Variants in ACOT13 observed in about 807,000 individuals in gnomAD.
ACOT13 encodes acyl-coenzyme A thioesterase 13.
In ACOT13, 10 loss-of-function variants were observed where a neutral mutation model predicts 11.8. That is an observed-to-expected ratio of 0.85 (90% confidence interval 0.53 to 1.44). The LOEUF is 1.44. Ranked by LOEUF, ACOT13 falls within the 40% of genes most tolerant of loss-of-function variation. The pLI is 0.00. For missense variants in ACOT13, 172 were observed against 174.1 expected, an observed-to-expected ratio of 0.99 and a Z score of 0.07; for synonymous variants, 53 against 61.0, an observed-to-expected ratio of 0.87 and a Z score of 0.61.
rs1778931715 is a variant in ACOT13 at position 24,703,538 on chromosome 6, G to A, written c.*1923G>A. The A allele has an allele frequency of 6.6e-6, 1 of 152,150 alleles. No individual in the cohort carries two copies. Among genetic ancestry groups the A allele is most frequent in the Non-Finnish European group, 1.5e-5 (1 of 68,032 alleles). The allele number at this position is 152,150 out of a possible 1,614,324, so 9.4% of individuals were successfully genotyped here. ...AGGCATGCAAATTATGATTTGGAGGGAAAAAATATGAGGCCATAGTGTTTA... is the reference window on the plus strand; with the variant it reads ...AGGCATGCAAATTATGATTTGGAGGAAAAAAATATGAGGCCATAGTGTTTA... On this transcript the variant is annotated 3_prime_UTR_variant, in exon 3 of 3. Coordinates refer to ENST00000230048, the MANE Select transcript of ACOT13 (RefSeq NM_018473.4).
At chr6:24,681,622 G>C (rs996906085) in intron 1 of ACOT13, among the ~76,000 whole-genome samples, 3 of 151,754 alleles carry the variant, frequency 2.0e-5, no homozygotes, top group African/African-American at 7.3e-5. Flanking sequence ...CCCTGGCAAG[G>C]GTAGTGGGGA....
intron 1 of ACOT13, chr6:24,687,515 A>G: frequency 7.3e-7 from 1 of 1,372,798 alleles, no homozygotes; most frequent in Non-Finnish European, 9.5e-7. Flanking sequence ...TGGAATTCCA[A>G]AGGAAGGCAA....
intron 1 of ACOT13, among the ~76,000 whole-genome samples, chr6:24,685,369 CAG>C (rs1345405899): frequency 9.5e-6 from 1 of 104,864 alleles, no homozygotes; most frequent in Non-Finnish European, 1.9e-5. Flanking sequence ...TTTTTTGATA[CAG>C]AGTCTTGCTC....
At chr6:24,686,537 TTTTTC>T (rs540312517) in intron 1 of ACOT13, among the ~76,000 whole-genome samples, 253 of 146,316 alleles carry the variant, frequency 1.7e-3, no homozygotes, top group South Asian at 0.013. Flanking sequence ...CACACTCTTT[TTTTTC>T]TTTTCTTTTC....
chr6:24,696,868 C>T lies in ACOT13; in HGVS notation c.82-1015C>T, dbSNP rs184465203. Among the ~76,000 whole-genome samples, 738 of 152,184 alleles carry T rather than the reference C, an allele frequency of 4.8e-3. 6 individuals carry two copies. The highest frequency in any genetic ancestry group is 0.016 in the African/African-American group (658 of 41,522). On this transcript the variant is annotated intron_variant, in intron 1 of 2. Coordinates refer to ENST00000230048, the MANE Select transcript of ACOT13 (RefSeq NM_018473.4). ...TCAGCTCACTGCAACCTCCACCTCC[C>T]GGGTTCAAGCGATTCTCCTGCCTCA...
chr6:24,677,128 A>G (rs1778466800), intron 1 of ACOT13, among the ~76,000 whole-genome samples: 1 of 152,198 alleles, frequency 6.6e-6, no homozygotes, highest in Admixed American at 6.5e-5. Context: ...CTGCAAAGGA[A>G]CTTCCATCAG....
intron 1 of ACOT13, among the ~76,000 whole-genome samples, chr6:24,670,567 A>C (rs1287271898): frequency 2.0e-5 from 3 of 152,234 alleles, no homozygotes; most frequent in African/African-American, 4.8e-5. Context: ...CAGTTTCTCC[A>C]ACTGTGTCCT....
At chr6:24,683,387 AT>A (rs1324000548) in intron 1 of ACOT13, among the ~76,000 whole-genome samples, 1 of 152,130 alleles carries the variant, frequency 6.6e-6, no homozygotes, top group Non-Finnish European at 1.5e-5. Context: ...AAATACAAAA[AT>A]TAGCCAGGTG....
At chr6:24,682,153 G>T (rs1219598009) in intron 1 of ACOT13, among the ~76,000 whole-genome samples, 1 of 152,236 alleles carries the variant, frequency 6.6e-6, no homozygotes, top group African/African-American at 2.4e-5. Flanking sequence ...CTTAAGTCCG[G>T]CGGCCACGCT....
chr6:24,689,050 T>G (rs1778681444), intron 1 of ACOT13, among the ~76,000 whole-genome samples: 1 of 151,938 alleles, frequency 6.6e-6, no homozygotes, highest in Non-Finnish European at 1.5e-5. Context: ...CTTGTCAGAG[T>G]GTAAAAATTA....
rs1444320572 is a variant in ACOT13, at chr6:24,696,149, T to G, written c.82-1734T>G. On this transcript the variant is annotated intron_variant, in intron 1 of 2. Transcript: ENST00000230048. The stretch of plus-strand genomic sequence containing the variant: ...TATTTTTGACATTGATTTACCTGTT[T>G]TGCAAAACATGACATAATATTGTTT... Among the ~76,000 whole-genome samples the G allele has an allele frequency of 2.6e-5, 4 of 152,224 alleles. No homozygotes were observed. The East Asian group carries it at 7.7e-4, about 29-fold the overall frequency.
chr6:24,678,155 C>T (rs1048686766), intron 1 of ACOT13, among the ~76,000 whole-genome samples: 6 of 152,134 alleles, frequency 3.9e-5, no homozygotes, highest in Admixed American at 3.9e-4. Flanking sequence ...TAAAACAGTC[C>T]AGGTGAGTTG....
At chr6:24,680,415 G>GT (rs1778528852) in intron 1 of ACOT13, among the ~76,000 whole-genome samples, 1 of 152,062 alleles carries the variant, frequency 6.6e-6, no homozygotes, top group South Asian at 2.1e-4. Context: ...TGTGGGGAAC[G>GT]TTTCCGATCT....
intron 1 of ACOT13, among the ~76,000 whole-genome samples, chr6:24,667,972 T>C (rs2127620046): frequency 6.6e-6 from 1 of 152,312 alleles, no homozygotes; most frequent in Middle Eastern, 3.4e-3. Flanking sequence ...TGGCGCGATC[T>C]CGGCTCACTG....
intron 1 of ACOT13, 89 bp from the exon 2 acceptor site, chr6:24,697,794 A>T: frequency 9.5e-7 from 1 of 1,056,702 alleles, no homozygotes; most frequent in Non-Finnish European, 1.3e-6. Context: ...TTTTCAGAAG[A>T]TTCAGTTCAA....
intron 2 of ACOT13, among the ~76,000 whole-genome samples, chr6:24,700,144 G>A (rs960155550): frequency 6.6e-6 from 1 of 152,114 alleles, no homozygotes; most frequent in African/African-American, 2.4e-5. Flanking sequence ...AAACAAGCGA[G>A]GTTCCAAAAC....
intron 1 of ACOT13, chr6:24,687,408 CACGTGGAGGAACATACGTTGGGAATATCA>C: frequency 8.3e-7 from 1 of 1,209,838 alleles, no homozygotes; most frequent in Non-Finnish European, 1.0e-6. Context: ...CCCACAGTAA[CACGTGGAGGAACATACGTTGGGAATATCA>C]ACTGACACGC....
At chr6:24,672,685 T>TA (rs1174313085) in intron 1 of ACOT13, among the ~76,000 whole-genome samples, 1 of 152,100 alleles carries the variant, frequency 6.6e-6, no homozygotes, top group Non-Finnish European at 1.5e-5. Context: ...TAAGCCTTTA[T>TA]AACCTTTATT....
At position 24,704,694 on chromosome 6, in the gene ACOT13, G is replaced by A. The variant is rs1198269035; in HGVS notation, c.*3079G>A. 2 of 152,220 alleles carry A rather than the reference G, an allele frequency of 1.3e-5. No homozygotes were observed. Among genetic ancestry groups the A allele is most frequent in the Non-Finnish European group, 2.9e-5 (2 of 68,032 alleles). 9.4% of individuals were successfully genotyped at this position (152,220 alleles called of 1,614,324 possible). A position where few individuals can be genotyped will look rare whatever the true frequency, so the allele number is the denominator to read the frequency against. On this transcript the variant is annotated 3_prime_UTR_variant, in exon 3 of 3. Coordinates refer to ENST00000230048, the MANE Select transcript of ACOT13 (RefSeq NM_018473.4). ...AAGGCATAAGGCCAGGTTGCTAACT[G>A]TTGAAAGCTGACAGTATGTTCTTGA...
Sources: gnomAD v4.1 joint callset for allele counts (sites outside exome capture counted in the v4.1 genomes callset) on GRCh38, gnomAD v4.1.1 for gene constraint, MANE v1.5 for transcripts, NCBI Gene and HGNC (gene_info 2026-07-23, HGNC 2026-07-21) for gene names.